The following CALML4 variants were observed in gnomAD, a reference collection of about 807,000 sequenced individuals.
CALML4 encodes the protein calmodulin like 4.
In CALML4, 16 loss-of-function variants were observed where a neutral mutation model predicts 17.9. The observed-to-expected ratio is 0.89, with a 90% CI of 0.61 to 1.36. The LOEUF is 1.36. Ranked by LOEUF, CALML4 falls within the 40% of genes most tolerant of loss-of-function variation. The pLI, the probability that CALML4 is intolerant of heterozygous loss-of-function variation, is 0.00. For synonymous variants in CALML4, 86 were observed against 71.5 expected, an observed-to-expected ratio of 1.20 and a Z score of -1.02; for missense variants, 203 against 194.8, an observed-to-expected ratio of 1.04 and a Z score of -0.25.
At position 68,205,183 on chromosome 15, in the gene CALML4, G is replaced by A; in HGVS notation, c.4-32C>T. 6.2e-7 allele frequency: 1 copy of A among 1,614,122 alleles called. No individual in the cohort carries two copies. The highest frequency in any genetic ancestry group is 8.5e-7 in the Non-Finnish European group (1 of 1,180,002). On this transcript the variant is annotated intron_variant, in intron 1 of 4. Coordinates refer to ENST00000467889, the MANE Select transcript of CALML4 (RefSeq NM_033429.3). The surrounding 1 kb of genome is among the most constrained non-coding windows in gnomAD (Gnocchi z 4.8). ...CAGAGAAAGGAAAACAGTCAGGGGA[G>A]GGCTCCACCTGAGGTTCACGCCCCC...
rs977957701 is a variant in CALML4 at position 68,203,924 on chromosome 15, T to C, written c.34+1197A>G. 3.3e-5 allele frequency among the ~76,000 whole-genome samples: 5 copies of C among 152,144 alleles called. No homozygotes were observed. In the South Asian group the frequency reaches 1.0e-3, roughly 32 times the overall value. Reference sequence around the variant, plus strand: ...CTTCTTCCCTTCTGGGAGCTTTGGCTATCCCAGGAGGGAGGGTCAGTGAGC... The same window carrying C: ...CTTCTTCCCTTCTGGGAGCTTTGGCCATCCCAGGAGGGAGGGTCAGTGAGC... On this transcript the variant is annotated intron_variant, in intron 2 of 4. Transcript: ENST00000467889.
chr15:68,199,483 T>G (rs1404157823), intron 3 of CALML4, 58 bp downstream of exon 3: 2 of 1,552,384 alleles, frequency 1.3e-6, no homozygotes, highest in East Asian at 4.6e-5. Context: ...ACACCTCTAC[T>G]GTCTGCACCC....
In CALML4 at chr15:68,205,240, C is replaced by A. The variant is rs773712898; in HGVS notation, c.3+5G>T. On this transcript the variant is annotated splice_donor_5th_base_variant and intron_variant, in intron 1 of 4. Coordinates refer to ENST00000467889, the MANE Select transcript of CALML4 (RefSeq NM_033429.3). The surrounding 1 kb of genome is among the most constrained non-coding windows in gnomAD (Gnocchi z 4.8). ...GGCCAGGCCGACACAGACCCTCACA[C>A]TCACCATTCTGGGGCCTCGGCTGCT... The A allele has an allele frequency of 6.2e-7, 1 of 1,614,196 alleles. No individual in the cohort carries two copies. Among genetic ancestry groups the A allele is most frequent in the Non-Finnish European group, 8.5e-7 (1 of 1,180,040 alleles).
Position 68,199,592 on chromosome 15 carries a change from C to T in CALML4, c.124G>A (p.Ala42Thr), listed in dbSNP as rs1478290453. The part of the protein sequence containing the change: ...DLMVAMRCLG[A>T]SPTPGEVQRH... ...TGCACCTCCCCTGGCGTCGGGCTGG[C>T]CCCCAGGCACCTCATGGCCACCATG... Residue 42 changes from alanine to threonine, a missense_variant, in exon 3 of 5, where the codon GCC becomes ACC. Ala to Thr is a moderately conservative substitution (Grantham distance 58). Transcript: ENST00000467889. 2 of 1,613,694 alleles carry T rather than the reference C, an allele frequency of 1.2e-6. No homozygotes were observed. Among genetic ancestry groups the T allele is most frequent in the South Asian group, 1.1e-5 (1 of 91,038 alleles).
Position 68,197,258 on chromosome 15 carries a change from C to T in CALML4, c.364+182G>A, listed in dbSNP as rs1456220573. Among the ~76,000 whole-genome samples, 3 of 152,154 alleles carry T rather than the reference C, an allele frequency of 2.0e-5. No homozygotes were observed. Among genetic ancestry groups the T allele is most frequent in the African/African-American group, 7.2e-5 (3 of 41,440 alleles). ...AGACCTCCCTGCGCCCTTCCAGCCC[C>T]TCTAGTTCTTCCCCAGGCTCCAGTC... On this transcript the variant is annotated intron_variant, in intron 4 of 4. Coordinates refer to ENST00000467889, the MANE Select transcript of CALML4 (RefSeq NM_033429.3). The surrounding 1 kb of genome is among the most constrained non-coding windows in gnomAD (Gnocchi z 4.1).
intron 4 of CALML4, among the ~76,000 whole-genome samples, chr15:68,196,084 T>TGTCA (rs1337960596): frequency 4.6e-5 from 7 of 152,212 alleles, no homozygotes; most frequent in Non-Finnish European, 7.3e-5. Flanking sequence ...AGTCTCATTC[T>TGTCA]GTCACCCAAG....
In CALML4 at chr15:68,192,148, T is replaced by G. The variant is rs2093123259; in HGVS notation, c.*1867A>C. The G allele has an allele frequency of 6.6e-6, 1 of 152,190 alleles. No individual in the cohort carries two copies. Among genetic ancestry groups the G allele is most frequent in the South Asian group, 2.1e-4 (1 of 4,832 alleles). 9.4% of individuals were successfully genotyped at this position (152,190 alleles called of 1,614,324 possible). ...TCTATCTCCCATCTAATCTTTGGTA[T>G]TCCAGGTTGGCTGTGCAGGATTTAC... On this transcript the variant is annotated 3_prime_UTR_variant, in exon 5 of 5. Coordinates refer to ENST00000467889, the MANE Select transcript of CALML4 (RefSeq NM_033429.3).
At chr15:68,194,293 CTTATTCCA>C (rs1221571028) in intron 4 of CALML4, among the ~76,000 whole-genome samples, 181 bp from the exon 5 acceptor site, 4 of 152,056 alleles carry the variant, frequency 2.6e-5, no homozygotes, top group African/African-American at 9.7e-5. Flanking sequence ...TCCTGAGACC[CTTATTCCA>C]TTTTGAGCTA....
intron 3 of CALML4, among the ~76,000 whole-genome samples, chr15:68,198,978 A>G (rs1459271949): frequency 6.6e-6 from 1 of 152,184 alleles, no homozygotes; most frequent in Admixed American, 6.5e-5. Flanking sequence ...CCTGGCCAAC[A>G]TGGCAAAACC....
rs897436498 is a variant in CALML4, at chr15:68,200,232, A to T, written c.35-551T>A. ...AGAAATCCCAGGAGGCCTGCCAGAG[A>T]GTGGCCTTCATATGATGATATTATC... On this transcript the variant is annotated intron_variant, in intron 2 of 4. Transcript: ENST00000467889. The surrounding 1 kb of genome is among the most constrained non-coding windows in gnomAD (Gnocchi z 4.3). 6.6e-6 allele frequency among the ~76,000 whole-genome samples: 1 copy of T among 152,212 alleles called. No individual in the cohort carries two copies. Among genetic ancestry groups the T allele is most frequent in the African/African-American group, 2.4e-5 (1 of 41,460 alleles).
intron 4 of CALML4, among the ~76,000 whole-genome samples, chr15:68,196,839 C>T (rs1234660282): frequency 6.6e-6 from 1 of 152,222 alleles, no homozygotes; most frequent in African/African-American, 2.4e-5. Context: ...GAACCAGGAA[C>T]CCTGCCTGTC....
At chr15:68,194,982 T>C (rs910871306) in intron 4 of CALML4, among the ~76,000 whole-genome samples, 41 of 135,816 alleles carry the variant, frequency 3.0e-4, no homozygotes, top group Non-Finnish European at 9.6e-5. Context: ...GAGAGAAAAA[T>C]AAATCCAACT....
intron 2 of CALML4, among the ~76,000 whole-genome samples, chr15:68,203,272 C>A (rs1318140994): frequency 1.3e-5 from 2 of 152,210 alleles, no homozygotes; most frequent in Non-Finnish European, 2.9e-5. Context: ...ACTCTTATAT[C>A]CATTGCCAAC....
Position 68,193,947 on chromosome 15 carries a change from A to G in CALML4, c.*68T>C. ...TTGCCATCTCTCCCAAGTGAAAAGAACACTTTTTAAAAAAAATTAATTGCT... is the reference window on the plus strand; with the variant it reads ...TTGCCATCTCTCCCAAGTGAAAAGAGCACTTTTTAAAAAAAATTAATTGCT... On this transcript the variant is annotated 3_prime_UTR_variant, in exon 5 of 5. Coordinates refer to ENST00000467889, the MANE Select transcript of CALML4 (RefSeq NM_033429.3). 1 of 1,154,282 alleles carries G rather than the reference A, an allele frequency of 8.7e-7. No homozygotes were observed. The highest frequency in any genetic ancestry group is 1.9e-5 in the Admixed American group (1 of 53,900). 71.5% of individuals were successfully genotyped at this position (1,154,282 alleles called of 1,614,324 possible).
chr15:68,197,093 G>T lies in CALML4; in HGVS notation c.364+347C>A, dbSNP rs930500962. On this transcript the variant is annotated intron_variant, in intron 4 of 4. Transcript: ENST00000467889. The surrounding 1 kb of genome is among the most constrained non-coding windows in gnomAD (Gnocchi z 4.1). The stretch of plus-strand genomic sequence containing the variant: ...TCTTTATCAGTAGGAGCAGGCATTT[G>T]TGCTCCCAGGGGTGTCATGCACTAG... Among the ~76,000 whole-genome samples the T allele has an allele frequency of 6.6e-6, 1 of 152,064 alleles. No individual in the cohort carries two copies. The highest frequency in any genetic ancestry group is 1.5e-5 in the Non-Finnish European group (1 of 68,010).
chr15:68,196,289 G>A (rs2093144277), intron 4 of CALML4, among the ~76,000 whole-genome samples: 1 of 152,218 alleles, frequency 6.6e-6, no homozygotes, highest in Admixed American at 6.5e-5. Flanking sequence ...AATGGCAGTA[G>A]CTAAAATCTG....
intron 4 of CALML4, among the ~76,000 whole-genome samples, chr15:68,195,037 C>T (rs2093137830): frequency 6.6e-6 from 1 of 150,410 alleles, no homozygotes; most frequent in Non-Finnish European, 1.5e-5. Flanking sequence ...CCATTGTTCT[C>T]CATCACTCCA....
At chr15:68,194,934 A>T (rs868368188) in intron 4 of CALML4, among the ~76,000 whole-genome samples, 2 of 35,340 alleles carry the variant, frequency 5.7e-5, no homozygotes, top group African/African-American at 9.9e-5. Flanking sequence ...CATCACCTCT[A>T]AAAAAAAAAA....
rs774210191 is a variant in CALML4, at chr15:68,197,581, T to C, written c.223A>G (p.Met75Val). The C allele has an allele frequency of 1.2e-6, 2 of 1,614,184 alleles. No individual in the cohort carries two copies. The highest frequency in any genetic ancestry group is 1.7e-6 in the Non-Finnish European group (2 of 1,180,036). Residue 75 changes from methionine to valine, a missense_variant, in exon 4 of 5, where the codon ATG becomes GTG. Transcript: ENST00000467889. This position sits in a 1 kb window ranked among gnomAD's most constrained non-coding sequence, Gnocchi z 4.1. ...DFSTFLTIMH[M>V]QIKQEDPKKE... ...TTTGGGTCTTCTTGTTTTATTTGCA[T>C]GTGCATAATGGTCAGAAAAGTGGAG...
Sources: gnomAD v4.1 joint callset for allele counts (sites outside exome capture counted in the v4.1 genomes callset) on GRCh38, gnomAD v4.1.1 for gene constraint, Gnocchi (gnomAD v3.1) non-coding constraint, MANE v1.5 for transcripts, NCBI Gene and HGNC (gene_info 2026-07-23, HGNC 2026-07-21) for gene names.